PDGFC: variants seen among roughly 807,000 people sequenced by gnomAD.
PDGFC encodes platelet-derived growth factor C.
A neutral mutation model predicts 35.5 loss-of-function variants in PDGFC; 12 were observed. That is an observed-to-expected ratio of 0.34 (90% CI 0.22 to 0.55). PDGFC has a LOEUF of 0.55. PDGFC is among the 20% of genes least tolerant of loss of function. PDGFC has a pLI of 0.91. For synonymous variants in PDGFC, 159 were observed against 148.8 expected, an observed-to-expected ratio of 1.07 and a Z score of -0.50; for missense variants, 322 against 412.4, an observed-to-expected ratio of 0.78 and a Z score of 1.90.
At chr4:156,821,403 C>A in intron 2 of PDGFC, among the ~76,000 whole-genome samples, 1 of 150,398 alleles carries the variant, frequency 6.6e-6, no homozygotes, top group East Asian at 2.0e-4. Flanking sequence ...ATTTTTTTTT[C>A]TTTTTTTTTA....
At chr4:156,871,612 T>C (rs1729985575) in intron 1 of PDGFC, among the ~76,000 whole-genome samples, 1 of 152,146 alleles carries the variant, frequency 6.6e-6, no homozygotes, top group Non-Finnish European at 1.5e-5. Context: ...GTGCCTAAAA[T>C]ATTTTATTTC....
chr4:156,873,522 C>G (rs1225636604), intron 1 of PDGFC, among the ~76,000 whole-genome samples: 1 of 152,134 alleles, frequency 6.6e-6, no homozygotes, highest in African/African-American at 2.4e-5. Flanking sequence ...ATACATAAAT[C>G]GCATTTTGTT....
At chr4:156,797,224 C>T (rs1172024669) in intron 3 of PDGFC, among the ~76,000 whole-genome samples, 16 of 147,374 alleles carry the variant, frequency 1.1e-4, no homozygotes, top group African/African-American at 2.3e-4. Context: ...TGCGACAGAG[C>T]GACAATCAGT....
intron 1 of PDGFC, among the ~76,000 whole-genome samples, chr4:156,882,056 C>A (rs539532233): frequency 3.5e-4 from 54 of 152,132 alleles, no homozygotes; most frequent in African/African-American, 1.1e-3. Flanking sequence ...TTATTGACCA[C>A]CTGTTTTATT....
At chr4:156,779,170 C>A (rs1200208885) in intron 3 of PDGFC, 2 of 456,180 alleles carry the variant, frequency 4.4e-6, no homozygotes, top group South Asian at 3.1e-5. Context: ...TGTAAAGACA[C>A]AAGAATGTCC....
At chr4:156,966,012 G>C (rs150754988) in intron 1 of PDGFC, among the ~76,000 whole-genome samples, 265 of 152,228 alleles carry the variant, frequency 1.7e-3, no homozygotes, top group African/African-American at 6.1e-3. Flanking sequence ...ATTTGTCTTA[G>C]AGGAGTTGCA....
At chr4:156,821,792 C>T (rs1732269163) in intron 2 of PDGFC, among the ~76,000 whole-genome samples, 1 of 152,062 alleles carries the variant, frequency 6.6e-6, no homozygotes, top group Admixed American at 6.5e-5. Flanking sequence ...TCAACTGATC[C>T]CCCTGCCTTG....
chr4:156,947,198 C>T (rs1479333481), intron 1 of PDGFC, among the ~76,000 whole-genome samples: 1 of 151,950 alleles, frequency 6.6e-6, no homozygotes, highest in Non-Finnish European at 1.5e-5. Flanking sequence ...AAGCCCTCTG[C>T]CCAGCCATCT....
chr4:156,901,595 CATTATTATTATT>C (rs111503240), intron 1 of PDGFC, among the ~76,000 whole-genome samples: 2 of 150,396 alleles, frequency 1.3e-5, no homozygotes, highest in African/African-American at 4.9e-5. Context: ...GTATCTATTT[CATTATTATTATT>C]ATTATTATTA....
At chr4:156,952,769 C>A (rs1348054824) in intron 1 of PDGFC, among the ~76,000 whole-genome samples, 1 of 151,832 alleles carries the variant, frequency 6.6e-6, no homozygotes, top group Non-Finnish European at 1.5e-5. Context: ...CTAATCTGTA[C>A]AGGATTTAAA....
intron 1 of PDGFC, among the ~76,000 whole-genome samples, chr4:156,915,810 T>C (rs1731145098): frequency 6.6e-6 from 1 of 151,862 alleles, no homozygotes; most frequent in African/African-American, 2.4e-5. Flanking sequence ...AATCACAAAG[T>C]TTCATAAGAA....
intron 3 of PDGFC, chr4:156,774,530 CA>C (rs1730771213): frequency 6.6e-6 from 1 of 152,180 alleles, no homozygotes; most frequent in South Asian, 2.1e-4. Flanking sequence ...TTCCTCTGGA[CA>C]GGCACAACCC....
At chr4:156,818,559 C>T (rs1401565426) in intron 2 of PDGFC, among the ~76,000 whole-genome samples, 3 of 116,916 alleles carry the variant, frequency 2.6e-5, no homozygotes, top group Middle Eastern at 8.9e-3. Context: ...CTCGCTCTGT[C>T]GCCCAGGCTG....
chr4:156,780,715 G>C (rs924046241), intron 3 of PDGFC, among the ~76,000 whole-genome samples: 1 of 152,116 alleles, frequency 6.6e-6, no homozygotes, highest in Non-Finnish European at 1.5e-5. Context: ...AGCTGAAACT[G>C]AGAGGGCAAC....
chr4:156,948,844 G>A (rs1732009754), intron 1 of PDGFC, among the ~76,000 whole-genome samples: 1 of 151,882 alleles, frequency 6.6e-6, no homozygotes. Flanking sequence ...TAACATTAGA[G>A]TGTGAGCATT....
At chr4:156,878,996 C>A (rs1223438250) in intron 1 of PDGFC, among the ~76,000 whole-genome samples, 1 of 152,132 alleles carries the variant, frequency 6.6e-6, no homozygotes, top group Non-Finnish European at 1.5e-5. Flanking sequence ...TCTTCTCAAC[C>A]ATTTGCTATG....
At chr4:156,966,733 A>C (rs1170854604) in intron 1 of PDGFC, among the ~76,000 whole-genome samples, 1 of 152,186 alleles carries the variant, frequency 6.6e-6, no homozygotes, top group African/African-American at 2.4e-5. Flanking sequence ...GCACTGAGGG[A>C]AGTTTAATGT....
intron 1 of PDGFC, among the ~76,000 whole-genome samples, chr4:156,928,043 G>A (rs1010505794): frequency 2.7e-4 from 41 of 152,128 alleles, no homozygotes; most frequent in African/African-American, 6.3e-4. Flanking sequence ...ATACAAAAGC[G>A]GAAACCCCGA....
chr4:156,882,735 G>A (rs951956583), intron 1 of PDGFC, among the ~76,000 whole-genome samples: 2 of 152,096 alleles, frequency 1.3e-5, no homozygotes, highest in Non-Finnish European at 2.9e-5. Flanking sequence ...ACAAGTTTGA[G>A]TTGTGACTGT....
Sources: allele counts gnomAD v4.1 joint callset (sites outside exome capture counted in the v4.1 genomes callset), GRCh38; gene constraint gnomAD v4.1.1; transcripts MANE v1.5; gene names NCBI Gene and HGNC (gene_info 2026-07-23, HGNC 2026-07-21).